The following ATG2A variants were observed in gnomAD, a reference collection of about 807,000 sequenced individuals.
ATG2A encodes the protein autophagy related 2A, also known as autophagy-related protein 2 homolog A.
A neutral mutation model predicts 214.2 loss-of-function variants in ATG2A; 103 were observed. That is an observed-to-expected ratio of 0.48 (90% CI 0.41 to 0.57). ATG2A has a LOEUF of 0.57. ATG2A is among the 20% of genes least tolerant of loss of function. The pLI is 0.00. For synonymous variants in ATG2A, 1,160 were observed against 1,142.1 expected (o/e 1.02, Z -0.32); for missense variants, 2,312 against 2,613.2 (o/e 0.88, Z 2.51).
intron 1 of ATG2A, among the ~76,000 whole-genome samples, chr11:64,915,138 C>G (rs1282695879): frequency 2.4e-5 from 1 of 41,068 alleles, no homozygotes; most frequent in Non-Finnish European, 6.8e-5. Flanking sequence ...TGGGACCCCC[C>G]CCCCCCACCA....
In ATG2A at chr11:64,913,423, C is replaced by A; in HGVS notation, c.591-22G>T. The A allele has an allele frequency of 6.5e-7, 1 of 1,549,204 alleles. No individual in the cohort carries two copies. Among genetic ancestry groups the A allele is most frequent in the Non-Finnish European group, 8.7e-7 (1 of 1,144,594 alleles). On this transcript the variant is annotated intron_variant, in intron 4 of 40. Coordinates refer to ENST00000377264, the MANE Select transcript of ATG2A (RefSeq NM_015104.3). The surrounding 1 kb of genome is among the most constrained non-coding windows in gnomAD (Gnocchi z 4.3). ...CAGTCTGGAGAGTGTAGGGTCAGCC[C>A]GTGCCCTGGCCACCCCAGGCCTGGA...
chr11:64,903,785 C>G lies in ATG2A; in HGVS notation c.3465-125G>C. The G allele has an allele frequency of 1.1e-6, 1 of 879,366 alleles. No homozygotes were observed. The highest frequency in any genetic ancestry group is 1.7e-6 in the Non-Finnish European group (1 of 587,084). The allele number at this position is 879,366 out of a possible 1,614,324, so 54.5% of individuals were successfully genotyped here. On this transcript the variant is annotated intron_variant, in intron 24 of 40. Coordinates refer to ENST00000377264, the MANE Select transcript of ATG2A (RefSeq NM_015104.3). The surrounding 1 kb of genome is among the most constrained non-coding windows in gnomAD (Gnocchi z 4.2). ...GACAGGCCCCTCCAGCCTCAGCGTT[C>G]CTGCCTGCACAATGGGGAGAAGGCC...
At chr11:64,899,485 G>A (rs1039555164) in intron 31 of ATG2A, among the ~76,000 whole-genome samples, 3 of 152,096 alleles carry the variant, frequency 2.0e-5, no homozygotes, top group Non-Finnish European at 2.9e-5. Context: ...CCACCAACCC[G>A]AGCAGCCTGA....
rs1365183073 is a variant in ATG2A, at chr11:64,914,084, T to C, written c.484A>G (p.Thr162Ala). ...GLEMFAQTIE[T>A]VLRRIKVTFL... ...CGGCCAGGAGGGGCCTGCTCACCAGTCTCAATGGTCTGGGCAAACATCTCC... is the reference window on the plus strand; with the variant it reads ...CGGCCAGGAGGGGCCTGCTCACCAGCCTCAATGGTCTGGGCAAACATCTCC... The change falls in exon 3 of 41, where the codon ACT (threonine) becomes GCT (alanine). Residue 162 changes from threonine to alanine, a missense_variant. Physicochemically the swap from Thr to Ala is moderately conservative, Grantham distance 58. Coordinates refer to ENST00000377264, the MANE Select transcript of ATG2A (RefSeq NM_015104.3). The C allele has an allele frequency of 6.5e-7, 1 of 1,542,380 alleles. No individual in the cohort carries two copies.
Position 64,898,407 on chromosome 11 carries a change from G to T in ATG2A, c.4672-45C>A. ...TCTGGACACCTGCTGGGCCTCTGGG[G>T]CAGCAGCTCACCCAGCTGTTCCCTG... On this transcript the variant is annotated intron_variant, in intron 32 of 40. Transcript: ENST00000377264. The surrounding 1 kb of genome is among the most constrained non-coding windows in gnomAD (Gnocchi z 4.5). The T allele has an allele frequency of 6.7e-7, 1 of 1,494,124 alleles. No homozygotes were observed. The allele number at this position is 1,494,124 out of a possible 1,614,324, so 92.6% of individuals were successfully genotyped here.
intron 37 of ATG2A, 78 bp from the exon 38 acceptor site, chr11:64,896,947 A>T: frequency 6.4e-7 from 1 of 1,571,046 alleles, no homozygotes; most frequent in Non-Finnish European, 8.7e-7. Flanking sequence ...AGGAGGACTC[A>T]GTACCCCTGT....
rs1259176806 is a variant in ATG2A, at chr11:64,895,334, C to T, written c.5536G>A (p.Asp1846Asn). ...RRLRRGQQPADLREGVAKAYD... is the reference protein window; with the variant it reads ...RRLRRGQQPANLREGVAKAYD... ...GCCTTGGCCACACCCTCCCGCAGGT[C>T]GGCAGGCTGCTGGCCCCTGCGCAGC... Residue 1846 changes from aspartate (D) to asparagine (N), a missense_variant, in exon 40 of 41, where the codon GAC becomes AAC. Asp to Asn is a conservative substitution (Grantham distance 23). Transcript: ENST00000377264. The surrounding 1 kb of genome is among the most constrained non-coding windows in gnomAD (Gnocchi z 5.0). The T allele has an allele frequency of 9.3e-6, 15 of 1,613,362 alleles. No homozygotes were observed. Among genetic ancestry groups the T allele is most frequent in the Middle Eastern group, 1.6e-4 (1 of 6,062 alleles).
intron 6 of ATG2A, chr11:64,912,823 C>T: frequency 1.9e-6 from 1 of 518,154 alleles, no homozygotes; most frequent in South Asian, 2.4e-5. Flanking sequence ...GAACTCCTGA[C>T]CTCAGATGAT....
chr11:64,909,462 CCA>C, intron 14 of ATG2A, 95 bp from the exon 15 acceptor site: 1 of 1,421,070 alleles, frequency 7.0e-7, no homozygotes. Flanking sequence ...GCCCCCGACT[CCA>C]CACACACCTT....
rs753792925 is a variant in ATG2A, at chr11:64,898,812, C to T, written c.4495G>A (p.Glu1499Lys). 2.5e-6 allele frequency: 4 copies of T among 1,612,384 alleles called. No individual in the cohort carries two copies. Among genetic ancestry groups the T allele is most frequent in the African/African-American group, 1.3e-5 (1 of 75,054 alleles). Residue 1499 changes from glutamate to lysine, a missense_variant, in exon 32 of 41, where the codon GAG becomes AAG. Transcript: ENST00000377264. The surrounding 1 kb of genome is among the most constrained non-coding windows in gnomAD (Gnocchi z 4.5). ...GGGGCCGCAGGGCCTGTGGCTGGCT[C>T]CGCTGGGTACACCTCGTGCTGGAAG... Reference protein sequence around the residue: ...VSFQHEVYPAEPATGPAAPSQ... With the variant: ...VSFQHEVYPAKPATGPAAPSQ...
chr11:64,915,062 T>G (rs1419840788), intron 1 of ATG2A, among the ~76,000 whole-genome samples: 1 of 151,034 alleles, frequency 6.6e-6, no homozygotes, highest in Non-Finnish European at 1.5e-5. Flanking sequence ...AGAATACCCA[T>G]GTTCACCCTG....
chr11:64,898,632 A>C lies in ATG2A; in HGVS notation c.4671+4T>G, dbSNP rs754187523. The stretch of plus-strand genomic sequence containing the variant: ...CCAGGGTGGATGGTGCAGGTCGCTC[A>C]TACCATGTTAGAGTGGGCACGTCGC... On this transcript the variant is annotated splice_donor_region_variant and intron_variant, in intron 32 of 40. Transcript: ENST00000377264. The surrounding 1 kb of genome is among the most constrained non-coding windows in gnomAD (Gnocchi z 4.5). The C allele has an allele frequency of 6.2e-7, 1 of 1,612,626 alleles. No individual in the cohort carries two copies.
chr11:64,901,114 G>T (rs368768421), intron 29 of ATG2A, 22 bp from the exon 30 acceptor site: 2 of 1,551,024 alleles, frequency 1.3e-6, no homozygotes, highest in South Asian at 2.4e-5. Context: ...CCAGGTAGAC[G>T]TGTGACACAG....
At position 64,896,761 on chromosome 11, in the gene ATG2A, C is replaced by A; in HGVS notation, c.5259G>T (p.Ser1753=). 1.2e-6 allele frequency: 2 copies of A among 1,614,220 alleles called. No individual in the cohort carries two copies. Among genetic ancestry groups the A allele is most frequent in the Non-Finnish European group, 1.7e-6 (2 of 1,180,036 alleles). The change falls in exon 38 of 41, where the codon TCG becomes TCT. Residue 1753 remains serine, a synonymous_variant. Transcript: ENST00000377264. ...GLLGGVGPMH[S]VVQLFQGFRD... ...CTAGACACTCACAGAGCTGGACAAC[C>A]GAGTGCATGGGGCCCACGCCTCCCA...
In ATG2A at chr11:64,900,508, T is replaced by C; in HGVS notation, c.4450A>G (p.Ile1484Val). 6.2e-7 allele frequency: 1 copy of C among 1,613,564 alleles called. No homozygotes were observed. Among genetic ancestry groups the C allele is most frequent in the Non-Finnish European group, 8.5e-7 (1 of 1,180,032 alleles). ...SGRQHHVLME[I>V]QLSKVSFQHE... The stretch of plus-strand genomic sequence containing the variant: ...ACCCCACTCACCTTGCTCAGCTGGA[T>C]CTCCATGAGGACATGGTGCTGCCGC... Residue 1484 changes from isoleucine to valine, a missense_variant, in exon 31 of 41, where the codon ATC becomes GTC. By Grantham distance (29) the Ile-to-Val change is conservative (BLOSUM62 3). Coordinates refer to ENST00000377264, the MANE Select transcript of ATG2A (RefSeq NM_015104.3).
At position 64,913,381 on chromosome 11, in the gene ATG2A, G is replaced by A; in HGVS notation, c.611C>T (p.Ala204Val). ...RVQRLEYCDEAVRDPSQAPPV... is the reference protein window; with the variant it reads ...RVQRLEYCDEVVRDPSQAPPV... The stretch of plus-strand genomic sequence containing the variant: ...CGGCGCCTGGCTTGGGTCCCGCACT[G>A]CCTCATCACAGTACTCCAGTCTGGA... Residue 204 changes from alanine to valine, a missense_variant, in exon 5 of 41, where the codon GCA becomes GTA. Ala to Val is a moderately conservative substitution (Grantham distance 64). Coordinates refer to ENST00000377264, the MANE Select transcript of ATG2A (RefSeq NM_015104.3). The surrounding 1 kb of genome is among the most constrained non-coding windows in gnomAD (Gnocchi z 4.3). 6.3e-7 allele frequency: 1 copy of A among 1,595,744 alleles called. No homozygotes were observed. Among genetic ancestry groups the A allele is most frequent in the Non-Finnish European group, 8.5e-7 (1 of 1,172,450 alleles).
Position 64,905,840 on chromosome 11 carries a change from C to T in ATG2A, c.3273G>A (p.Glu1091=). The T allele has an allele frequency of 6.2e-7, 1 of 1,613,458 alleles. No homozygotes were observed. ...CAGGGTCATCCAGCACGTCTAGGAA[C>T]TCCAACAACTTCAGAGGCCAGGGCA... ...PEQSWHSQLL[E]FLDVLDDPVL... The change falls in exon 23 of 41, where the codon GAG becomes GAA. Residue 1091 remains glutamate (E), a synonymous_variant. Coordinates refer to ENST00000377264, the MANE Select transcript of ATG2A (RefSeq NM_015104.3).
At position 64,911,114 on chromosome 11, in the gene ATG2A, C is replaced by G; in HGVS notation, c.1390G>C (p.Asp464His). Reference sequence around the variant, plus strand: ...AAGTCTCGGGAACCGAAGGGCCCATCCTTGGTGGCATCAAACTCGGTGAAA... The same window carrying G: ...AAGTCTCGGGAACCGAAGGGCCCATGCTTGGTGGCATCAAACTCGGTGAAA... ...HFFTEFDATKDGPFGSRDFHH... is the reference protein window; with the variant it reads ...HFFTEFDATKHGPFGSRDFHH... Residue 464 changes from aspartate to histidine, a missense_variant, in exon 10 of 41, where the codon GAT becomes CAT. Asp to His is a moderately conservative substitution (Grantham distance 81, BLOSUM62 -1). Coordinates refer to ENST00000377264, the MANE Select transcript of ATG2A (RefSeq NM_015104.3). 3 of 1,614,102 alleles carry G rather than the reference C, an allele frequency of 1.9e-6. No individual in the cohort carries two copies. Among genetic ancestry groups the G allele is most frequent in the Non-Finnish European group, 2.5e-6 (3 of 1,180,028 alleles).
At chr11:64,905,682 G>A (rs137901479) in intron 23 of ATG2A, 27 bp from the exon 24 acceptor site, 30 of 1,613,494 alleles carry the variant, frequency 1.9e-5, no homozygotes, top group East Asian at 1.6e-4. Flanking sequence ...GGCTGGGGCC[G>A]GCTCCTTACA....
Sources: gnomAD v4.1 joint callset for allele counts (sites outside exome capture counted in the v4.1 genomes callset) on GRCh38, gnomAD v4.1.1 for gene constraint, Gnocchi (gnomAD v3.1) non-coding constraint, MANE v1.5 for transcripts, NCBI Gene and HGNC (gene_info 2026-07-23, HGNC 2026-07-21) for gene names.